The following ROCK1 variants were observed in gnomAD, a reference collection of about 807,000 sequenced individuals.
The protein encoded by ROCK1 is rho-associated protein kinase 1.
Under a neutral mutation model 196.8 loss-of-function variants are expected in ROCK1, and 36 were observed. The observed-to-expected ratio is 0.18, with a 90% CI of 0.14 to 0.24. The LOEUF (loss-of-function observed/expected upper bound fraction) is 0.24. Among genes scored for constraint, ROCK1 ranks in the 10% least tolerant of loss-of-function variants. The probability of loss-of-function intolerance (pLI) is 1.00; values close to 1 mark genes in which losing one functional copy is unlikely to be tolerated. For missense variants in ROCK1, 920 were observed against 1,562.0 expected, an observed-to-expected ratio of 0.59 and a Z score of 6.93; for synonymous variants, 443 against 515.9, an observed-to-expected ratio of 0.86 and a Z score of 1.91.
intron 12 of ROCK1, among the ~76,000 whole-genome samples, chr18:21,017,875 A>G (rs1046799336): frequency 6.6e-6 from 1 of 151,868 alleles, no homozygotes; most frequent in African/African-American, 2.4e-5. Context: ...CGGGAGGCTG[A>G]GGCAGGAGAA....
At chr18:21,074,951 C>A (rs1174776482) in intron 1 of ROCK1, among the ~76,000 whole-genome samples, 1 of 151,948 alleles carries the variant, frequency 6.6e-6, no homozygotes, top group Non-Finnish European at 1.5e-5. Context: ...AGGTGAAAAG[C>A]AACGAGAATT....
At chr18:21,006,157 C>T (rs1244701812) in intron 16 of ROCK1, among the ~76,000 whole-genome samples, 194 bp downstream of exon 16, 2 of 152,112 alleles carry the variant, frequency 1.3e-5, no homozygotes, top group African/African-American at 2.4e-5. Context: ...CATGGATAAA[C>T]CTTGAAGACA....
chr18:21,049,325 A>G (rs2036185614), intron 3 of ROCK1, 96 bp from the exon 4 acceptor site: 3 of 939,182 alleles, frequency 3.2e-6, no homozygotes, highest in Admixed American at 2.9e-5. Flanking sequence ...AATACTTGCT[A>G]AATAATTTAG....
chr18:21,071,582 T>C (rs193272963), intron 1 of ROCK1, among the ~76,000 whole-genome samples: 20 of 152,306 alleles, frequency 1.3e-4, no homozygotes, highest in Admixed American at 1.3e-3. Context: ...ATTCAGACTA[T>C]ATCCTGCTGC....
At chr18:20,957,701 C>T (rs1275681497) in intron 29 of ROCK1, among the ~76,000 whole-genome samples, 5 of 151,672 alleles carry the variant, frequency 3.3e-5, no homozygotes, top group African/African-American at 1.2e-4. Context: ...AGACTGGTCT[C>T]GAATGAACTC....
rs1479658630 is a variant in ROCK1, at chr18:20,998,683, C to T, written c.1886-5746G>A. On this transcript the variant is annotated intron_variant, in intron 16 of 32. Coordinates refer to ENST00000399799, the MANE Select transcript of ROCK1 (RefSeq NM_005406.3). Reference sequence around the variant, plus strand: ...GCAGTGATGCAATCTCGGCTCACTGCCACCTCCGCCTCCCGGGTTCAAGTG... The same window carrying T: ...GCAGTGATGCAATCTCGGCTCACTGTCACCTCCGCCTCCCGGGTTCAAGTG... 4.7e-5 allele frequency among the ~76,000 whole-genome samples: 7 copies of T among 148,712 alleles called. No individual in the cohort carries two copies. In the East Asian group the frequency reaches 1.4e-3, roughly 29 times the overall value.
chr18:21,081,656 G>C (rs1342456622), intron 1 of ROCK1, among the ~76,000 whole-genome samples: 5 of 152,068 alleles, frequency 3.3e-5, no homozygotes, highest in Admixed American at 1.3e-4. Context: ...ACTCAAATTA[G>C]TAATTTCAGA....
intron 10 of ROCK1, among the ~76,000 whole-genome samples, chr18:21,025,667 CAG>C (rs1257567436): frequency 1.3e-5 from 2 of 152,152 alleles, no homozygotes; most frequent in Non-Finnish European, 1.5e-5. Context: ...ACCCAGGAGG[CAG>C]AGATTGCAGT....
At chr18:21,109,752 T>C (rs2036733654) in intron 1 of ROCK1, among the ~76,000 whole-genome samples, 1 of 152,216 alleles carries the variant, frequency 6.6e-6, no homozygotes, top group African/African-American at 2.4e-5. Flanking sequence ...CACGTTAATT[T>C]TAAACAATCT....
At chr18:21,026,215 T>C (rs2035954375) in intron 10 of ROCK1, among the ~76,000 whole-genome samples, 1 of 151,972 alleles carries the variant, frequency 6.6e-6, no homozygotes, top group Non-Finnish European at 1.5e-5. Context: ...GAGGCCAAGG[T>C]GGGCGGATCA....
At chr18:21,058,201 G>T (rs2036260251) in intron 2 of ROCK1, among the ~76,000 whole-genome samples, 1 of 151,928 alleles carries the variant, frequency 6.6e-6, no homozygotes, top group Non-Finnish European at 1.5e-5. Context: ...TCTGAGTTTG[G>T]TGAGACTACA....
intron 18 of ROCK1, among the ~76,000 whole-genome samples, chr18:20,989,149 A>G (rs1384788369): frequency 6.6e-6 from 1 of 152,224 alleles, no homozygotes; most frequent in Non-Finnish European, 1.5e-5. Context: ...TTCTAACCTA[A>G]GTGAGAATGA....
rs754199858 is a variant in ROCK1, at chr18:21,110,955, G to C, written c.-45C>G. On this transcript the variant is annotated 5_prime_UTR_variant, in exon 1 of 33. Transcript: ENST00000399799. ...TGCCCTCTTACCAGCACCAGCAGCGGAAAGCAATTTCAACCAACTTCCTCC... is the reference window on the plus strand; with the variant it reads ...TGCCCTCTTACCAGCACCAGCAGCGCAAAGCAATTTCAACCAACTTCCTCC... 3 of 1,528,482 alleles carry C rather than the reference G, an allele frequency of 2.0e-6. No individual in the cohort carries two copies. In the African/African-American group the frequency reaches 4.1e-5, roughly 21 times the overall value. 94.7% of individuals were successfully genotyped at this position (1,528,482 alleles called of 1,614,324 possible).
At chr18:21,073,229 G>A (rs2036402469) in intron 1 of ROCK1, among the ~76,000 whole-genome samples, 1 of 152,010 alleles carries the variant, frequency 6.6e-6, no homozygotes, top group South Asian at 2.1e-4. Context: ...TTTAAAAGAA[G>A]GTAGTTACAT....
intron 27 of ROCK1, chr18:20,960,531 C>A (rs1215190621): frequency 1.0e-5 from 2 of 193,260 alleles, no homozygotes; most frequent in Non-Finnish European, 2.1e-5. Flanking sequence ...AAGACTTTAT[C>A]ATTTAACATT....
At position 20,948,725 on chromosome 18, in the gene ROCK1, T is replaced by C. The variant is rs1215593516; in HGVS notation, c.*2659A>G. 2.0e-5 allele frequency: 3 copies of C among 151,676 alleles called. No homozygotes were observed. The highest frequency in any genetic ancestry group is 4.4e-5 in the Non-Finnish European group (3 of 67,982). The allele number at this position is 151,676 out of a possible 1,614,324, so 9.4% of individuals were successfully genotyped here. A position where few individuals can be genotyped will look rare whatever the true frequency, so the allele number is the denominator to read the frequency against. On this transcript the variant is annotated 3_prime_UTR_variant, in exon 33 of 33. Coordinates refer to ENST00000399799, the MANE Select transcript of ROCK1 (RefSeq NM_005406.3). ...AGCTAGAGGCTATATTTCTCAGACT[T>C]TCTTGCAGCTAGGGGTCTGGATGTG...
rs574040891 is a variant in ROCK1 at position 21,078,504 on chromosome 18, C to T, written c.94-7891G>A. ...CGCAGCTCTTGTCTAGCAGGAAAGC[C>T]CGGGGCACCTGTGCTGTAATGGCAG... is the stretch of plus-strand genomic sequence containing the variant. On this transcript the variant is annotated intron_variant, in intron 1 of 32. Transcript: ENST00000399799. 5.9e-5 allele frequency among the ~76,000 whole-genome samples: 9 copies of T among 152,132 alleles called. 1 individual carries two copies. In the South Asian group the frequency reaches 1.2e-3, roughly 21 times the overall value.
In ROCK1 at chr18:21,007,686, G is replaced by C. The variant is rs569870758; in HGVS notation, c.1546+373C>G. 2.0e-5 allele frequency among the ~76,000 whole-genome samples: 3 copies of C among 152,228 alleles called. No individual in the cohort carries two copies. In the South Asian group the frequency reaches 6.2e-4, roughly 32 times the overall value. On this transcript the variant is annotated intron_variant, in intron 14 of 32. Coordinates refer to ENST00000399799, the MANE Select transcript of ROCK1 (RefSeq NM_005406.3). ...GGTTTAGAAGTTCTTAGACGCAGCT[G>C]CTTGTTAGAAGTACCTAGGGGGCTT...
rs2035296123 is a variant in ROCK1 at position 20,959,130 on chromosome 18, T to TTATATATAATATATATAATATTA, written c.3512+709_3512+710insTAATATTATATATATTATATATA. On this transcript the variant is annotated intron_variant, in intron 29 of 32. Coordinates refer to ENST00000399799, the MANE Select transcript of ROCK1 (RefSeq NM_005406.3). ...ATATATATATTATATAATATATATATTATATATATTATATAAAATATATAT... is the reference window on the plus strand; with the variant it reads ...ATATATATATTATATAATATATATATTATATATAATATATATAATATTATATATATATTATATAAAATATATAT... Among the ~76,000 whole-genome samples, 11 of 50,410 alleles carry TTATATATAATATATATAATATTA rather than the reference T, an allele frequency of 2.2e-4. 1 individual carries two copies. Among genetic ancestry groups the TTATATATAATATATATAATATTA allele is most frequent in the African/African-American group, 1.9e-3 (11 of 5,746 alleles). The allele number at this position is 50,410 out of a possible 152,430, so 33.1% of individuals were successfully genotyped here. A position where few individuals can be genotyped will look rare whatever the true frequency, so the allele number is the denominator to read the frequency against.
Sources: allele counts gnomAD v4.1 joint callset (sites outside exome capture counted in the v4.1 genomes callset), GRCh38; gene constraint gnomAD v4.1.1; transcripts MANE v1.5; gene names NCBI Gene and HGNC (gene_info 2026-07-23, HGNC 2026-07-21).